MYH11: variants seen among roughly 807,000 people sequenced by gnomAD.
MYH11 encodes myosin heavy chain 11.
A neutral mutation model predicts 246.6 loss-of-function variants in MYH11; 80 were observed. That is an observed-to-expected ratio of 0.32 (90% CI 0.27 to 0.39). The LOEUF is 0.39. Ranked by LOEUF, MYH11 falls within the 10% of genes least tolerant of loss-of-function variation. MYH11 has a pLI of 1.00. For synonymous variants in MYH11, 1,071 were observed against 1,015.5 expected (o/e 1.05, Z -1.04); for missense variants, 2,158 against 2,546.8 (o/e 0.85, Z 3.29).
chr16:15,790,575 T>C (rs2042585497), intron 4 of MYH11, among the ~76,000 whole-genome samples: 1 of 152,188 alleles, frequency 6.6e-6, no homozygotes, highest in African/African-American at 2.4e-5. Flanking sequence ...TAGAGCTGGT[T>C]CTAGAAACAT....
chr16:15,827,481 T>C (rs1023997058), intron 2 of MYH11, among the ~76,000 whole-genome samples: 1 of 151,980 alleles, frequency 6.6e-6, no homozygotes, highest in Non-Finnish European at 1.5e-5. Context: ...AAAGCAAGGG[T>C]TAGAGGTAAG....
intron 3 of MYH11, among the ~76,000 whole-genome samples, chr16:15,800,060 G>C (rs376510519): frequency 6.7e-6 from 1 of 149,792 alleles, no homozygotes; most frequent in East Asian, 2.0e-4. Flanking sequence ...AGATGGACGG[G>C]AGGGTGGATA....
intron 2 of MYH11, among the ~76,000 whole-genome samples, chr16:15,830,965 A>G (rs538834762): frequency 1.3e-5 from 2 of 152,284 alleles, no homozygotes; most frequent in African/African-American, 2.4e-5. Flanking sequence ...TGAGGTCAGG[A>G]GATCGAGACC....
chr16:15,777,754 C>T (rs574972200), intron 7 of MYH11, among the ~76,000 whole-genome samples: 1 of 152,220 alleles, frequency 6.6e-6, no homozygotes, highest in South Asian at 2.1e-4. Flanking sequence ...GGCCCAGTAC[C>T]GTACCAAGGG....
chr16:15,827,638 C>G (rs1346457842), intron 2 of MYH11, among the ~76,000 whole-genome samples: 1 of 152,206 alleles, frequency 6.6e-6, no homozygotes, highest in Non-Finnish European at 1.5e-5. Flanking sequence ...GGGGAACCCC[C>G]TTTCTCCTCT....
At chr16:15,781,198 G>A (rs2042345405) in intron 6 of MYH11, among the ~76,000 whole-genome samples, 1 of 152,180 alleles carries the variant, frequency 6.6e-6, no homozygotes, top group Admixed American at 6.5e-5. Context: ...GAGCCACCTC[G>A]CCTGGCCTGA....
intron 28 of MYH11, chr16:15,725,285 C>T: frequency 1.7e-6 from 1 of 580,556 alleles, no homozygotes; most frequent in Non-Finnish European, 3.0e-6. Context: ...GACCTGATCC[C>T]ACTAAATGGA....
At chr16:15,724,462 G>A in intron 30 of MYH11, 53 bp from the exon 31 acceptor site, 1 of 1,610,598 alleles carries the variant, frequency 6.2e-7, no homozygotes. Flanking sequence ...AGTGGCCCCT[G>A]TCCCTGGCCC....
intron 3 of MYH11, among the ~76,000 whole-genome samples, chr16:15,806,811 A>C (rs1307717249): frequency 7.0e-6 from 1 of 143,042 alleles, no homozygotes; most frequent in African/African-American, 2.7e-5. Flanking sequence ...GTGCTCAGGA[A>C]ATGCTTGTTA....
At chr16:15,843,640 T>C (rs1596947136) in intron 1 of MYH11, among the ~76,000 whole-genome samples, 1 of 141,240 alleles carries the variant, frequency 7.1e-6, no homozygotes. Flanking sequence ...TTGCAGTGAG[T>C]GGGTGAGTGG....
chr16:15,856,078 G>T (rs1168085041), intron 1 of MYH11, among the ~76,000 whole-genome samples: 1 of 152,130 alleles, frequency 6.6e-6, no homozygotes, highest in Non-Finnish European at 1.5e-5. Flanking sequence ...GGTTGGGCAC[G>T]AGAGTGGCAT....
At chr16:15,737,700 T>C in intron 24 of MYH11, 80 bp from the exon 25 acceptor site, 2 of 1,524,690 alleles carry the variant, frequency 1.3e-6, no homozygotes, top group Admixed American at 3.4e-5. Flanking sequence ...CCAGGCATTT[T>C]ACCCGGAGGA....
intron 4 of MYH11, among the ~76,000 whole-genome samples, chr16:15,794,360 A>C (rs2042693190): frequency 6.6e-6 from 1 of 152,254 alleles, no homozygotes. Context: ...CCTTCAAGTC[A>C]CTTTGGCTGA....
intron 31 of MYH11, among the ~76,000 whole-genome samples, 168 bp downstream of exon 31, chr16:15,723,993 C>T (rs908233416): frequency 3.3e-5 from 5 of 152,200 alleles, no homozygotes; most frequent in Non-Finnish European, 7.3e-5. Context: ...GACCTGGTAG[C>T]GTTAATGCTC....
chr16:15,770,115 A>G (rs1260546321), intron 9 of MYH11, among the ~76,000 whole-genome samples: 1 of 152,228 alleles, frequency 6.6e-6, no homozygotes, highest in Non-Finnish European at 1.5e-5. Flanking sequence ...CCCCTGTCCC[A>G]AATGAAATGA....
chr16:15,703,550 A>G lies in MYH11; in HGVS notation c.*441T>C. ...GGGTTTTTCTCATCTCTTACATCAT[A>G]CAAACTTCAATTTTTACCTTGAATA... On this transcript the variant is annotated 3_prime_UTR_variant, in exon 41 of 41. Transcript: ENST00000300036. The G allele has an allele frequency of 3.0e-6, 1 of 333,356 alleles. No homozygotes were observed. 20.6% of individuals were successfully genotyped at this position (333,356 alleles called of 1,614,324 possible).
intron 5 of MYH11, chr16:15,785,263 T>C (rs900260746): frequency 6.6e-6 from 1 of 152,498 alleles, no homozygotes; most frequent in South Asian, 2.1e-4. Context: ...CTGAGATGTG[T>C]TTACGCATGC....
At chr16:15,710,319 G>A (rs147854227) in intron 40 of MYH11, among the ~76,000 whole-genome samples, 2,249 of 152,130 alleles carry the variant, frequency 0.015, 18 homozygotes, top group East Asian at 0.035. Flanking sequence ...TCAGGAGATC[G>A]AGACCATCCC....
chr16:15,708,395 A>G (rs2039583416), intron 40 of MYH11, among the ~76,000 whole-genome samples: 1 of 152,216 alleles, frequency 6.6e-6, no homozygotes, highest in South Asian at 2.1e-4. Context: ...TGGAACTGTC[A>G]TATTCATTCA....
Sources: allele counts gnomAD v4.1 joint callset (sites outside exome capture counted in the v4.1 genomes callset), GRCh38; gene constraint gnomAD v4.1.1; transcripts MANE v1.5; gene names NCBI Gene and HGNC (gene_info 2026-07-23, HGNC 2026-07-21).